Variants in CFAP20DC observed in about 807,000 individuals in gnomAD.
CFAP20DC encodes CFAP20 domain containing, also known as protein CFAP20DC.
In CFAP20DC, 84 loss-of-function variants were observed where a neutral mutation model predicts 101.7. The ratio of observed to expected loss-of-function variants is 0.83; its 90% CI spans 0.69 to 0.99. The LOEUF is 0.99. Among genes scored for constraint, CFAP20DC ranks in the 50% least tolerant of loss-of-function variants. CFAP20DC has a pLI of 0.00. For missense variants in CFAP20DC, 1,007 were observed against 970.3 expected, an observed-to-expected ratio of 1.04 and a Z score of -0.50; for synonymous variants, 359 against 351.2, an observed-to-expected ratio of 1.02 and a Z score of -0.25.
At chr3:59,049,074 C>A (rs573597724) in intron 1 of CFAP20DC, among the ~76,000 whole-genome samples, 11 of 152,176 alleles carry the variant, frequency 7.2e-5, no homozygotes, top group Non-Finnish European at 1.0e-4. Flanking sequence ...GAAATCTGCA[C>A]GTTTACAAGC....
chr3:58,778,355 T>A (rs188086600), intron 15 of CFAP20DC, among the ~76,000 whole-genome samples: 109 of 152,224 alleles, frequency 7.2e-4, no homozygotes, highest in African/African-American at 2.5e-3. Flanking sequence ...GCACAGTGCA[T>A]CACTAGAGGA....
intron 15 of CFAP20DC, among the ~76,000 whole-genome samples, chr3:58,767,720 A>G (rs2070449182): frequency 6.6e-6 from 1 of 152,180 alleles, no homozygotes; most frequent in South Asian, 2.1e-4. Context: ...TTGAATAAGT[A>G]TTAAGATGCT....
intron 12 of CFAP20DC, 122 bp from the exon 13 acceptor site, chr3:58,849,531 A>ATGC: frequency 1.4e-6 from 1 of 731,678 alleles, no homozygotes; most frequent in Non-Finnish European, 2.1e-6. Flanking sequence ...CTATATATAG[A>ATGC]TTTTACTTTA....
At chr3:58,785,851 T>G (rs2072286766) in intron 15 of CFAP20DC, among the ~76,000 whole-genome samples, 1 of 151,988 alleles carries the variant, frequency 6.6e-6, no homozygotes, top group African/African-American at 2.4e-5. Context: ...ATATCAAGTC[T>G]CCTTTACTGG....
chr3:58,739,646 A>G (rs946755344), downstream of CFAP20DC, among the ~76,000 whole-genome samples: 9 of 152,238 alleles, frequency 5.9e-5, no homozygotes, highest in African/African-American at 2.2e-4. Context: ...AAAAATTTCC[A>G]GTGCCCAGGC....
intron 4 of CFAP20DC, among the ~76,000 whole-genome samples, chr3:58,942,505 G>A (rs1192087493): frequency 6.6e-6 from 1 of 152,190 alleles, no homozygotes; most frequent in East Asian, 1.9e-4. Context: ...AAAGGAAGCC[G>A]TGAGGGACTG....
chr3:58,984,847 G>C (rs1174121141), intron 4 of CFAP20DC, among the ~76,000 whole-genome samples: 1 of 152,178 alleles, frequency 6.6e-6, no homozygotes, highest in African/African-American at 2.4e-5. Context: ...TTTTGTGAGA[G>C]TTAAAGGAAC....
At chr3:58,888,090 A>G (rs2081810090) in intron 6 of CFAP20DC, among the ~76,000 whole-genome samples, 1 of 152,204 alleles carries the variant, frequency 6.6e-6, no homozygotes, top group Admixed American at 6.5e-5. Context: ...CATCTTTTCT[A>G]TGTCCAATTA....
chr3:58,861,690 G>A lies in CFAP20DC; in HGVS notation c.1593+1868C>T, dbSNP rs2079262340. On this transcript the variant is annotated intron_variant, in intron 12 of 16. Coordinates refer to ENST00000482387, the MANE Select transcript of CFAP20DC (RefSeq NM_001394063.1). The surrounding 1 kb of genome is among the most constrained non-coding windows in gnomAD (Gnocchi z 4.0). ...GCAAACCCCAAAGCTTGATAATGTG[G>A]CAGGTGTTTCCCCTCTCTCTGGCTG... 2 of 985,218 alleles carry A rather than the reference G, an allele frequency of 2.0e-6. No homozygotes were observed. Among genetic ancestry groups the A allele is most frequent in the African/African-American group, 3.5e-5 (2 of 57,188 alleles). 61.0% of individuals were successfully genotyped at this position (985,218 alleles called of 1,614,324 possible). A position where few individuals can be genotyped will look rare whatever the true frequency, so the allele number is the denominator to read the frequency against.
intron 5 of CFAP20DC, among the ~76,000 whole-genome samples, chr3:58,920,937 T>G (rs897571305): frequency 1.3e-5 from 2 of 152,202 alleles, no homozygotes; most frequent in Admixed American, 1.3e-4. Context: ...TTGGAATGTT[T>G]TTCAAATTCA....
chr3:58,782,442 G>C (rs752165441), intron 15 of CFAP20DC, among the ~76,000 whole-genome samples: 38 of 151,796 alleles, frequency 2.5e-4, no homozygotes, highest in Non-Finnish European at 4.7e-4. Context: ...GAGTAATCAG[G>C]CAAAAGGAAA....
intron 15 of CFAP20DC, among the ~76,000 whole-genome samples, chr3:58,780,087 G>C (rs1169688327): frequency 6.6e-6 from 1 of 152,042 alleles, no homozygotes; most frequent in Non-Finnish European, 1.5e-5. Flanking sequence ...TAAAAAAACT[G>C]TCAGCCAAGG....
At chr3:58,772,349 C>T (rs1430363055) in intron 15 of CFAP20DC, among the ~76,000 whole-genome samples, 1 of 151,888 alleles carries the variant, frequency 6.6e-6, no homozygotes, top group Non-Finnish European at 1.5e-5. Context: ...TAAATGTCCC[C>T]AAAATACAGA....
intron 6 of CFAP20DC, among the ~76,000 whole-genome samples, chr3:58,886,659 CTA>C (rs2081654603): frequency 6.6e-6 from 1 of 151,666 alleles, no homozygotes; most frequent in Non-Finnish European, 1.5e-5. Flanking sequence ...CTGCAGTGAG[CTA>C]TGACTGCACG....
At chr3:58,856,185 T>C (rs542105168) in intron 12 of CFAP20DC, among the ~76,000 whole-genome samples, 5 of 151,710 alleles carry the variant, frequency 3.3e-5, no homozygotes, top group South Asian at 2.1e-4. Context: ...AACTGCATTG[T>C]TAAGGATCTT....
chr3:58,991,796 C>A (rs1034546874), intron 4 of CFAP20DC, among the ~76,000 whole-genome samples: 6 of 152,110 alleles, frequency 3.9e-5, no homozygotes. Context: ...CTGTTCACCC[C>A]CTGCTGTGCG....
At chr3:58,719,506 G>A (rs961574083) in intron 3 of CFAP20DC, among the ~76,000 whole-genome samples, 1 of 152,202 alleles carries the variant, frequency 6.6e-6, no homozygotes, top group East Asian at 1.9e-4. Context: ...TTACTTTGCA[G>A]GCATGGAAGA....
chr3:58,824,974 A>G (rs542448013), intron 14 of CFAP20DC, among the ~76,000 whole-genome samples: 2 of 152,096 alleles, frequency 1.3e-5, no homozygotes, highest in East Asian at 3.9e-4. Context: ...GGTTATGTTA[A>G]TTATTAACCT....
chr3:59,043,449 G>A (rs1003429987), intron 3 of CFAP20DC, among the ~76,000 whole-genome samples: 1 of 151,986 alleles, frequency 6.6e-6, no homozygotes, highest in Admixed American at 6.6e-5. Context: ...AATAGAGGCA[G>A]ATCAAAGCCA....
Sources: allele counts gnomAD v4.1 joint callset (sites outside exome capture counted in the v4.1 genomes callset), GRCh38; gene constraint gnomAD v4.1.1; non-coding constraint Gnocchi (gnomAD v3.1); transcripts MANE v1.5; gene names NCBI Gene and HGNC (gene_info 2026-07-23, HGNC 2026-07-21).